Variants in ZDHHC13 observed in about 807,000 individuals in gnomAD.
The protein encoded by ZDHHC13 is palmitoyltransferase ZDHHC13.
ZDHHC13 carries 85 observed loss-of-function variants against 86.0 expected under a neutral mutation model. The observed-to-expected ratio is 0.99, with a 90% CI of 0.83 to 1.18. ZDHHC13 has a LOEUF of 1.18. ZDHHC13 is among the 50% of genes most tolerant of loss of function. The pLI, the probability that ZDHHC13 is intolerant of heterozygous loss-of-function variation, is 0.00. For missense variants in ZDHHC13, 711 were observed against 730.2 expected, an observed-to-expected ratio of 0.97 and a Z score of 0.30; for synonymous variants, 263 against 246.4, an observed-to-expected ratio of 1.07 and a Z score of -0.63.
intron 13 of ZDHHC13, 141 bp from the exon 14 acceptor site, chr11:19,166,161 T>C: frequency 1.5e-6 from 1 of 650,012 alleles, no homozygotes; most frequent in East Asian, 2.8e-5. Context: ...TTTGATTTAA[T>C]GGTACTTAAA....
At chr11:19,143,509 T>G (rs1435811822) in intron 2 of ZDHHC13, among the ~76,000 whole-genome samples, 2 of 152,230 alleles carry the variant, frequency 1.3e-5, no homozygotes, top group Non-Finnish European at 2.9e-5. Flanking sequence ...TACTACAACC[T>G]GAATAGGTAG....
intron 1 of ZDHHC13, among the ~76,000 whole-genome samples, chr11:19,132,108 T>C (rs1447525258): frequency 6.6e-6 from 1 of 152,248 alleles, no homozygotes; most frequent in Non-Finnish European, 1.5e-5. Context: ...GATCGCATTT[T>C]TCTTGCTTCT....
At chr11:19,149,977 A>G (rs1365469446) in intron 5 of ZDHHC13, among the ~76,000 whole-genome samples, 1 of 152,230 alleles carries the variant, frequency 6.6e-6, no homozygotes. Flanking sequence ...GACTTAGCTG[A>G]TTGAAGTAGA....
At chr11:19,123,925 G>C (rs1848812130) in intron 1 of ZDHHC13, among the ~76,000 whole-genome samples, 1 of 152,164 alleles carries the variant, frequency 6.6e-6, no homozygotes, top group African/African-American at 2.4e-5. Context: ...TTTGTAGGGA[G>C]AAAGAACACG....
chr11:19,174,766 A>G (rs528835643), intron 16 of ZDHHC13, among the ~76,000 whole-genome samples: 311 of 152,340 alleles, frequency 2.0e-3, no homozygotes, highest in African/African-American at 7.3e-3. Flanking sequence ...TGAAAGGATA[A>G]GGGGGTTCCT....
At chr11:19,118,552 C>T (rs1848695478) in intron 1 of ZDHHC13, among the ~76,000 whole-genome samples, 1 of 152,206 alleles carries the variant, frequency 6.6e-6, no homozygotes, top group Admixed American at 6.5e-5. Flanking sequence ...CACTCATTTA[C>T]AGAAGGCTTC....
At chr11:19,147,536 C>G in intron 3 of ZDHHC13, 60 bp from the exon 4 acceptor site, 2 of 1,416,654 alleles carry the variant, frequency 1.4e-6, no homozygotes, top group Non-Finnish European at 1.9e-6. Context: ...TTAGTATTTT[C>G]TTTCTCAATA....
rs550913559 is a variant in ZDHHC13, at chr11:19,166,269, A to G, written c.1391-33A>G. The G allele has an allele frequency of 1.6e-5, 25 of 1,561,994 alleles. No individual in the cohort carries two copies. The East Asian group carries it at 5.2e-4, about 32-fold the overall frequency. ...ATGTTGAAAATCAGAAGAAACGAAA[A>G]TATTAAGTATGTTTTTTTTCTTTTT... On this transcript the variant is annotated intron_variant, in intron 13 of 16. Coordinates refer to ENST00000446113, the MANE Select transcript of ZDHHC13 (RefSeq NM_019028.3).
chr11:19,168,693 C>T, intron 14 of ZDHHC13: 2 of 476,116 alleles, frequency 4.2e-6, no homozygotes, highest in Non-Finnish European at 5.5e-6. Flanking sequence ...TCTAATGAGG[C>T]CTCACTGTCA....
chr11:19,175,932 C>T lies in ZDHHC13; in HGVS notation c.1841C>T (p.Ala614Val). The change falls in exon 17 of 17, where the codon GCC (alanine) becomes GTC (valine). Residue 614 changes from alanine to valine, a missense_variant. Physicochemically the swap from Ala to Val is moderately conservative, Grantham distance 64 (BLOSUM62 0). Coordinates refer to ENST00000446113, the MANE Select transcript of ZDHHC13 (RefSeq NM_019028.3). ...CAGTACACCATGGTCTTTCACCCAG[C>T]CAGGGAGAAGGTTCTTCGCTCAGTA... ...TSQYTMVFHP[A>V]REKVLRSV 1.2e-6 allele frequency: 2 copies of T among 1,610,404 alleles called. No homozygotes were observed. Among genetic ancestry groups the T allele is most frequent in the Non-Finnish European group, 1.7e-6 (2 of 1,178,634 alleles).
At chr11:19,147,712 A>T in intron 4 of ZDHHC13, 39 bp downstream of exon 4, 1 of 1,476,082 alleles carries the variant, frequency 6.8e-7, no homozygotes, top group Non-Finnish European at 9.3e-7. Context: ...ATAGCCACAT[A>T]TAGCTAGTGG....
Position 19,136,054 on chromosome 11 carries a change from C to T in ZDHHC13, c.28-6924C>T, listed in dbSNP as rs997481946. Among the ~76,000 whole-genome samples the T allele has an allele frequency of 7.3e-3, 1,107 of 152,304 alleles. 9 individuals are homozygous for T. The highest frequency in any genetic ancestry group is 0.024 in the African/African-American group (991 of 41,552). On this transcript the variant is annotated intron_variant, in intron 1 of 16. Coordinates refer to ENST00000446113, the MANE Select transcript of ZDHHC13 (RefSeq NM_019028.3). ...AAGGAACGCAGTTCCTCACCAGCAA[C>T]GGAACAAAGCTGGACAGAGAATGAC...
chr11:19,158,001 G>T (rs1228468736), intron 9 of ZDHHC13, among the ~76,000 whole-genome samples: 1 of 152,142 alleles, frequency 6.6e-6, no homozygotes, highest in Non-Finnish European at 1.5e-5. Flanking sequence ...GTAGTTCATT[G>T]CATTACCTAA....
rs776891887 is a variant in ZDHHC13 at position 19,175,889 on chromosome 11, G to T, written c.1798G>T (p.Val600Leu). The change falls in exon 17 of 17, where the codon GTG becomes TTG. Residue 600 changes from valine to leucine, a missense_variant. Val to Leu is a conservative substitution (Grantham distance 32). Coordinates refer to ENST00000446113, the MANE Select transcript of ZDHHC13 (RefSeq NM_019028.3). ...CGCFGLVKPCVVDWTSQYTMV... is the reference protein window; with the variant it reads ...CGCFGLVKPCLVDWTSQYTMV... ...CTGCTTTGGCTTGGTGAAGCCCTGT[G>T]TGGTAGATTGGACATCACAGTACAC... The T allele has an allele frequency of 1.2e-6, 2 of 1,613,558 alleles. No individual in the cohort carries two copies. The highest frequency in any genetic ancestry group is 1.7e-6 in the Non-Finnish European group (2 of 1,179,754).
At chr11:19,170,375 CTTTTTTTTTT>C (rs55637113) in intron 14 of ZDHHC13, 26 bp from the exon 15 acceptor site, 5 of 1,235,202 alleles carry the variant, frequency 4.0e-6, no homozygotes, top group Admixed American at 4.2e-5. Context: ...AGTTTATTGC[CTTTTTTTTTT>C]TTTTTTTTTT....
At chr11:19,165,168 T>C (rs751206106) in intron 13 of ZDHHC13, 23 bp downstream of exon 13, 4 of 1,595,452 alleles carry the variant, frequency 2.5e-6, no homozygotes. Flanking sequence ...ATTTTTCAAT[T>C]ACTACTGTGA....
intron 11 of ZDHHC13, among the ~76,000 whole-genome samples, chr11:19,163,836 T>C (rs1215758610): frequency 7.9e-5 from 12 of 152,168 alleles, no homozygotes; most frequent in Admixed American, 7.9e-4. Context: ...AGTTGTCAGA[T>C]GACATGGCAT....
chr11:19,172,570 T>C (rs1369374249), intron 15 of ZDHHC13, among the ~76,000 whole-genome samples, 153 bp from the exon 16 acceptor site: 1 of 152,232 alleles, frequency 6.6e-6, no homozygotes, highest in Admixed American at 6.5e-5. Flanking sequence ...AAATGTTCTT[T>C]ACTTCTGATT....
intron 4 of ZDHHC13, 51 bp from the exon 5 acceptor site, chr11:19,149,135 CT>C (rs1226955370): frequency 3.6e-6 from 5 of 1,406,942 alleles, no homozygotes; most frequent in Non-Finnish European, 4.7e-6. Context: ...CTCTCCCTGA[CT>C]TTTTGCTTTT....
Sources: gnomAD v4.1 joint callset for allele counts (sites outside exome capture counted in the v4.1 genomes callset) on GRCh38, gnomAD v4.1.1 for gene constraint, MANE v1.5 for transcripts, NCBI Gene and HGNC (gene_info 2026-07-23, HGNC 2026-07-21) for gene names.